Variants in TRA2A observed in about 807,000 individuals in gnomAD.
TRA2A encodes transformer 2 alpha homolog.
A neutral mutation model predicts 45.7 loss-of-function variants in TRA2A; 31 were observed. The observed-to-expected ratio is 0.68, with a 90% CI of 0.51 to 0.92. The LOEUF (loss-of-function observed/expected upper bound fraction) is 0.92, where lower values mean the gene tolerates loss of function less well. TRA2A is among the 40% of genes least tolerant of loss of function. The probability of loss-of-function intolerance (pLI) is 0.00; values close to 1 mark genes in which losing one functional copy is unlikely to be tolerated. For missense variants in TRA2A, 304 were observed against 367.5 expected (o/e 0.83, Z 1.41); for synonymous variants, 132 against 126.2 (o/e 1.05, Z -0.31).
At chr7:23,517,502 A>AAG in intron 2 of TRA2A, among the ~76,000 whole-genome samples, 1 of 146,784 alleles carries the variant, frequency 6.8e-6, no homozygotes, top group Non-Finnish European at 1.5e-5. Flanking sequence ...AAAAAAAAAA[A>AAG]AAGAGAGAAA....
rs1357178124 is a variant in TRA2A, at chr7:23,512,997, C to A, written c.422G>T (p.Arg141Leu). ...ATTGACACCACTCAATGGTCCATAT[C>A]GAGAAAATACTTCACGAAGATCCCT... is the stretch of plus-strand genomic sequence containing the variant. ...TERDLREVFS[R>L]YGPLSGVNVV... is the part of the protein sequence containing the mutation. The change falls in exon 4 of 8, where the codon CGA becomes CTA. Residue 141 changes from arginine to leucine, a missense_variant. By Grantham distance (102) the Arg-to-Leu change is moderately radical (BLOSUM62 -2). Coordinates refer to ENST00000297071, the MANE Select transcript of TRA2A (RefSeq NM_013293.5). The A allele has an allele frequency of 6.2e-7, 1 of 1,614,016 alleles. No homozygotes were observed. Among genetic ancestry groups the A allele is most frequent in the Non-Finnish European group, 8.5e-7 (1 of 1,179,972 alleles).
rs1789280889 is a variant in TRA2A, at chr7:23,505,532, ATGTCCTTAATT to A, written c.*16_*26del. On this transcript the variant is annotated 3_prime_UTR_variant, in exon 8 of 8. Transcript: ENST00000297071. ...AAAAAAAAAAAAAAGAGGAAAAAAA[ATGTCCTTAATT>A]GCAACCATTCCGTTATCAATAGCGT... 1 of 490,874 alleles carries A rather than the reference ATGTCCTTAATT, an allele frequency of 2.0e-6. No individual in the cohort carries two copies. The highest frequency in any genetic ancestry group is 3.6e-6 in the Non-Finnish European group (1 of 274,400). 30.4% of individuals were successfully genotyped at this position (490,874 alleles called of 1,614,324 possible).
chr7:23,531,749 T>TG, intron 1 of TRA2A, 40 bp downstream of exon 1: 2 of 1,611,484 alleles, frequency 1.2e-6, no homozygotes, highest in South Asian at 1.1e-5. Context: ...CCCCGAGCAT[T>TG]GGGCCGCCGC....
rs1168657351 is a variant in TRA2A at position 23,505,407 on chromosome 7, G to A, written c.*152C>T. The A allele has an allele frequency of 6.3e-6, 3 of 476,812 alleles. No individual in the cohort carries two copies. Among genetic ancestry groups the A allele is most frequent in the East Asian group, 3.3e-5 (1 of 30,494 alleles). 29.5% of individuals were successfully genotyped at this position (476,812 alleles called of 1,614,324 possible). ...AGTATAATAAAATGGGTGGAAAACA[G>A]CAACACAACTGACAAAAGTGTAGAT... On this transcript the variant is annotated 3_prime_UTR_variant, in exon 8 of 8. Coordinates refer to ENST00000297071, the MANE Select transcript of TRA2A (RefSeq NM_013293.5).
intron 1 of TRA2A, chr7:23,531,384 G>A (rs1209998358): frequency 1.0e-5 from 4 of 394,132 alleles, no homozygotes; most frequent in East Asian, 1.2e-4. Context: ...GATGCTCGGG[G>A]TCGCCAGAAA....
In TRA2A at chr7:23,531,944, C is replaced by A. The variant is rs981622389; in HGVS notation, c.-120G>T. 2 of 1,049,122 alleles carry A rather than the reference C, an allele frequency of 1.9e-6. No individual in the cohort carries two copies. Among genetic ancestry groups the A allele is most frequent in the African/African-American group, 1.6e-5 (1 of 63,310 alleles). The allele number at this position is 1,049,122 out of a possible 1,614,324, so 65.0% of individuals were successfully genotyped here. On this transcript the variant is annotated 5_prime_UTR_variant, in exon 1 of 8. Transcript: ENST00000297071. ...GAAAGAGTCGGCAACCACAGCCGCT[C>A]CACTCCACTCCCACTCGGTCGCAGG...
rs118065920 is a variant in TRA2A, at chr7:23,506,662, T to C, written c.642-396A>G. ...GTGTATCCCTGTGACTAAAAGGCAA[T>C]AAACACCAAGAATTTTTAAGTAACT... On this transcript the variant is annotated intron_variant, in intron 5 of 7. Transcript: ENST00000297071. Among the ~76,000 whole-genome samples, 1,254 of 152,274 alleles carry C rather than the reference T, an allele frequency of 8.2e-3. 14 individuals are homozygous for C. The highest frequency in any genetic ancestry group is 0.013 in the Non-Finnish European group (863 of 68,010).
At chr7:23,530,832 CAGT>C (rs765643055) in intron 1 of TRA2A, among the ~76,000 whole-genome samples, 8 of 151,814 alleles carry the variant, frequency 5.3e-5, no homozygotes, top group Admixed American at 6.6e-5. Flanking sequence ...AGTTACAGAA[CAGT>C]ATATACTGAC....
Position 23,505,109 on chromosome 7 carries a change from A to C in TRA2A, c.*450T>G, listed in dbSNP as rs1789253672. ...CTACCTGACTGTTCCATTCCACCCC[A>C]GACAAACCTGACATGACTGAACTAC... On this transcript the variant is annotated 3_prime_UTR_variant, in exon 8 of 8. Transcript: ENST00000297071. The C allele has an allele frequency of 6.4e-6, 1 of 155,474 alleles. No individual in the cohort carries two copies. The highest frequency in any genetic ancestry group is 1.4e-5 in the Non-Finnish European group (1 of 70,436). 9.6% of individuals were successfully genotyped at this position (155,474 alleles called of 1,614,324 possible).
intron 1 of TRA2A, among the ~76,000 whole-genome samples, chr7:23,525,429 A>G (rs1437279760): frequency 6.6e-6 from 1 of 152,212 alleles, no homozygotes; most frequent in African/African-American, 2.4e-5. Flanking sequence ...CCTGCATCCA[A>G]TAACCATTAA....
chr7:23,530,340 G>A (rs1286620235), intron 1 of TRA2A, among the ~76,000 whole-genome samples: 1 of 152,086 alleles, frequency 6.6e-6, no homozygotes. Context: ...AGTCTACCGG[G>A]TAACTATTAT....
chr7:23,520,113 G>C (rs762681934), intron 2 of TRA2A, among the ~76,000 whole-genome samples: 1 of 152,180 alleles, frequency 6.6e-6, no homozygotes, highest in Non-Finnish European at 1.5e-5. Flanking sequence ...CTACTCGGGA[G>C]GCTGAGGCAG....
chr7:23,530,385 T>C (rs1266421558), intron 1 of TRA2A, among the ~76,000 whole-genome samples: 3 of 152,218 alleles, frequency 2.0e-5, no homozygotes, highest in African/African-American at 7.2e-5. Flanking sequence ...CAAAGAGAAC[T>C]AAAGCCTAAA....
At chr7:23,528,673 CTTTTT>C (rs943208013) in intron 1 of TRA2A, among the ~76,000 whole-genome samples, 22 of 143,964 alleles carry the variant, frequency 1.5e-4, no homozygotes, top group African/African-American at 5.6e-4. Flanking sequence ...ATTTGTTTGC[CTTTTT>C]TTTTTTCGAG....
In TRA2A at chr7:23,505,360, G is replaced by A. The variant is rs1380165351; in HGVS notation, c.*199C>T. On this transcript the variant is annotated 3_prime_UTR_variant, in exon 8 of 8. Coordinates refer to ENST00000297071, the MANE Select transcript of TRA2A (RefSeq NM_013293.5). ...CTCAAGATGTTTAACTGTTCAAAAT[G>A]ACAACAATTACATCTTTTAAGAGTA... 5 of 426,134 alleles carry A rather than the reference G, an allele frequency of 1.2e-5. No homozygotes were observed. Among genetic ancestry groups the A allele is most frequent in the Non-Finnish European group, 1.3e-5 (3 of 239,074 alleles). 26.4% of individuals were successfully genotyped at this position (426,134 alleles called of 1,614,324 possible).
chr7:23,517,322 AC>A, intron 2 of TRA2A, among the ~76,000 whole-genome samples: 1 of 149,904 alleles, frequency 6.7e-6, no homozygotes, highest in Non-Finnish European at 1.5e-5. Flanking sequence ...TACTAAAAAT[AC>A]AAAAAATTAG....
intron 1 of TRA2A, 79 bp downstream of exon 1, chr7:23,531,710 C>A: frequency 6.4e-7 from 1 of 1,558,552 alleles, no homozygotes; most frequent in Non-Finnish European, 8.8e-7. Flanking sequence ...TACCCGCAAC[C>A]CCGCCCGACC....
At chr7:23,514,987 CAAAACT>C (rs1340463578) in intron 3 of TRA2A, among the ~76,000 whole-genome samples, 4 of 152,104 alleles carry the variant, frequency 2.6e-5, no homozygotes, top group Non-Finnish European at 5.9e-5. Context: ...AAACCAAAAC[CAAAACT>C]AAAACTCCTT....
chr7:23,520,278 G>T (rs1429743495), intron 2 of TRA2A, among the ~76,000 whole-genome samples: 16 of 152,132 alleles, frequency 1.1e-4, no homozygotes, highest in African/African-American at 3.9e-4. Flanking sequence ...AAATCAGACA[G>T]TGACAACATA....
Sources: gnomAD v4.1 joint callset for allele counts (sites outside exome capture counted in the v4.1 genomes callset) on GRCh38, gnomAD v4.1.1 for gene constraint, MANE v1.5 for transcripts, NCBI Gene and HGNC (gene_info 2026-07-23, HGNC 2026-07-21) for gene names.